Variants in EXOC4 observed in about 807,000 individuals in gnomAD.
EXOC4 encodes exocyst complex component 4.
Under a neutral mutation model 107.2 loss-of-function variants are expected in EXOC4, and 71 were observed. The observed-to-expected ratio is 0.66, with a 90% CI of 0.55 to 0.81. The LOEUF (loss-of-function observed/expected upper bound fraction) is 0.81, where lower values mean the gene tolerates loss of function less well. Among genes scored for constraint, EXOC4 ranks in the 30% least tolerant of loss-of-function variants. The pLI is 0.00. For synonymous variants in EXOC4, 456 were observed against 441.2 expected (o/e 1.03, Z -0.42); for missense variants, 1,108 against 1,189.6 (o/e 0.93, Z 1.01).
intron 10 of EXOC4, among the ~76,000 whole-genome samples, chr7:133,650,943 T>TTTTTTG (rs1230076892): frequency 4.1e-5 from 3 of 73,764 alleles, no homozygotes; most frequent in Non-Finnish European, 8.1e-5. Flanking sequence ...GTCAGTTTTT[T>TTTTTTG]TTTTTTTTTT....
rs1796032022 is a variant in EXOC4, at chr7:134,060,515, C to G, written c.2688-3776C>G. On this transcript the variant is annotated intron_variant, in intron 17 of 17. Coordinates refer to ENST00000253861, the MANE Select transcript of EXOC4 (RefSeq NM_021807.4). ...AAATGTGTTGCCCTGGAAGCCACGGCTGCTATTTTAATGCTCGATGATGAA... is the reference window on the plus strand; with the variant it reads ...AAATGTGTTGCCCTGGAAGCCACGGGTGCTATTTTAATGCTCGATGATGAA... Among the ~76,000 whole-genome samples, 4 of 152,198 alleles carry G rather than the reference C, an allele frequency of 2.6e-5. No homozygotes were observed. In the South Asian group the frequency reaches 8.3e-4, roughly 31 times the overall value.
chr7:133,993,762 A>G (rs1474181950), intron 14 of EXOC4, among the ~76,000 whole-genome samples: 4 of 152,188 alleles, frequency 2.6e-5, no homozygotes, highest in Non-Finnish European at 5.9e-5. Flanking sequence ...AACTTCAGAT[A>G]CCTCAATCAA....
chr7:133,672,390 A>G (rs920343965), intron 10 of EXOC4, among the ~76,000 whole-genome samples: 4 of 129,018 alleles, frequency 3.1e-5, no homozygotes, highest in Admixed American at 7.6e-5. Flanking sequence ...GACTCCGTTT[A>G]AAAAAAAAAA....
rs371745496 is a variant in EXOC4 at position 133,748,950 on chromosome 7, A to G, written c.1515-68375A>G. Reference sequence around the variant, plus strand: ...GTTCCCAAATGCTACTCCAAGGCCAACCTTGCAGACAGGCCCTTCTTAAGA... The same window carrying G: ...GTTCCCAAATGCTACTCCAAGGCCAGCCTTGCAGACAGGCCCTTCTTAAGA... On this transcript the variant is annotated intron_variant, in intron 10 of 17. Coordinates refer to ENST00000253861, the MANE Select transcript of EXOC4 (RefSeq NM_021807.4). Among the ~76,000 whole-genome samples, 7 of 152,292 alleles carry G rather than the reference A, an allele frequency of 4.6e-5. No individual in the cohort carries two copies. In the East Asian group the frequency reaches 9.6e-4, roughly 21 times the overall value.
intron 8 of EXOC4, among the ~76,000 whole-genome samples, chr7:133,476,273 TG>T (rs1464656060): frequency 6.6e-6 from 1 of 152,180 alleles, no homozygotes; most frequent in Non-Finnish European, 1.5e-5. Flanking sequence ...TTAATACTTT[TG>T]TACATATAAA....
intron 10 of EXOC4, among the ~76,000 whole-genome samples, chr7:133,787,173 C>CTTTTTTTTTTTTTTTCTT (rs3076807): frequency 3.0e-5 from 4 of 133,144 alleles, no homozygotes; most frequent in South Asian, 2.3e-4. Context: ...TTTTTCTTTT[C>CTTTTTTTTTTTTTTTCTT]TTTTTTTTTT....
At chr7:133,979,457 C>T (rs1016865668) in intron 14 of EXOC4, among the ~76,000 whole-genome samples, 1 of 152,168 alleles carries the variant, frequency 6.6e-6, no homozygotes, top group Admixed American at 6.5e-5. Flanking sequence ...GAACAATTTA[C>T]AGGCTTTGGT....
chr7:133,591,110 A>T (rs1200619202), intron 9 of EXOC4, among the ~76,000 whole-genome samples: 1 of 152,162 alleles, frequency 6.6e-6, no homozygotes, highest in African/African-American at 2.4e-5. Context: ...CCGGAGTCCC[A>T]CAAAAGGGCC....
At chr7:133,965,799 G>A (rs886592688) in intron 14 of EXOC4, among the ~76,000 whole-genome samples, 13 of 152,228 alleles carry the variant, frequency 8.5e-5, no homozygotes, top group African/African-American at 3.1e-4. Flanking sequence ...GATTGTCTTG[G>A]CTATACGGGC....
At chr7:133,900,419 A>G (rs1365077715) in intron 12 of EXOC4, among the ~76,000 whole-genome samples, 1 of 152,164 alleles carries the variant, frequency 6.6e-6, no homozygotes, top group Non-Finnish European at 1.5e-5. Flanking sequence ...ATAGGTTTGA[A>G]GAAGAGCACG....
chr7:134,037,585 G>A (rs1375373273), intron 17 of EXOC4, among the ~76,000 whole-genome samples: 1 of 152,140 alleles, frequency 6.6e-6, no homozygotes, highest in Non-Finnish European at 1.5e-5. Context: ...TGAGACCGGA[G>A]CAATGTTCCT....
intron 10 of EXOC4, among the ~76,000 whole-genome samples, chr7:133,713,284 G>C (rs1244273237): frequency 6.6e-6 from 1 of 152,160 alleles, no homozygotes; most frequent in Non-Finnish European, 1.5e-5. Context: ...ATAATTTATA[G>C]TGGAAGGAAT....
chr7:133,884,625 G>A (rs946612908), intron 11 of EXOC4, among the ~76,000 whole-genome samples: 15 of 151,242 alleles, frequency 9.9e-5, no homozygotes, highest in Admixed American at 2.6e-4. Context: ...GTGTGTGCGC[G>A]CGTGTGTGAT....
At chr7:133,539,944 A>G (rs1461573671) in intron 9 of EXOC4, among the ~76,000 whole-genome samples, 1 of 152,086 alleles carries the variant, frequency 6.6e-6, no homozygotes, top group Non-Finnish European at 1.5e-5. Context: ...CTGTAGAGGT[A>G]ATGAGTTCAC....
chr7:133,271,780 G>C (rs10263688), intron 1 of EXOC4, among the ~76,000 whole-genome samples: 45,092 of 151,998 alleles, frequency 0.3, 7,017 homozygotes, highest in South Asian at 0.38. Flanking sequence ...TTTTGGACTT[G>C]AGGAGCTCTA....
At position 133,735,263 on chromosome 7, in the gene EXOC4, G is replaced by A. The variant is rs143283809; in HGVS notation, c.1515-82062G>A. Reference sequence around the variant, plus strand: ...AAAAAAAAAAAAAAAGTTAAAGTACGGTTTGGTGTTTGTCTTTCTTTAGAC... The same window carrying A: ...AAAAAAAAAAAAAAAGTTAAAGTACAGTTTGGTGTTTGTCTTTCTTTAGAC... On this transcript the variant is annotated intron_variant, in intron 10 of 17. Coordinates refer to ENST00000253861, the MANE Select transcript of EXOC4 (RefSeq NM_021807.4). Among the ~76,000 whole-genome samples the A allele has an allele frequency of 2.9e-5, 4 of 136,796 alleles. No homozygotes were observed. The East Asian group carries it at 6.4e-4, about 22-fold the overall frequency. 89.7% of individuals were successfully genotyped at this position (136,796 alleles called of 152,430 possible). A position where few individuals can be genotyped will look rare whatever the true frequency, so the allele number is the denominator to read the frequency against.
the EXOC4 span, among the ~76,000 whole-genome samples, chr7:134,074,860 G>A: frequency 1.7e-4 from 26 of 152,342 alleles, no homozygotes; most frequent in African/African-American, 9.6e-5. Flanking sequence ...TCAGTAAAAC[G>A]AATAATGATT....
intron 10 of EXOC4, among the ~76,000 whole-genome samples, chr7:133,769,961 C>G (rs1796212490): frequency 6.6e-6 from 1 of 151,760 alleles, no homozygotes; most frequent in Non-Finnish European, 1.5e-5. Flanking sequence ...AAATGTCAGC[C>G]TCTGCCAAGC....
At chr7:133,773,914 C>T (rs1256210008) in intron 10 of EXOC4, among the ~76,000 whole-genome samples, 2 of 152,034 alleles carry the variant, frequency 1.3e-5, no homozygotes, top group Non-Finnish European at 2.9e-5. Context: ...GTTTTAATCC[C>T]CTCATACCCA....
Sources: gnomAD v4.1 joint callset for allele counts (sites outside exome capture counted in the v4.1 genomes callset) on GRCh38, gnomAD v4.1.1 for gene constraint, MANE v1.5 for transcripts, NCBI Gene and HGNC (gene_info 2026-07-23, HGNC 2026-07-21) for gene names.